The following PHACTR1 variants were observed in gnomAD, a reference collection of about 807,000 sequenced individuals.
The protein encoded by PHACTR1 is phosphatase and actin regulator 1.
In PHACTR1, 16 loss-of-function variants were observed where a neutral mutation model predicts 69.2. That is an observed-to-expected ratio of 0.23 (90% CI 0.16 to 0.35). The LOEUF (loss-of-function observed/expected upper bound fraction) is 0.35. Among genes scored for constraint, PHACTR1 ranks in the 10% least tolerant of loss-of-function variants. The probability of loss-of-function intolerance (pLI) is 1.00; values close to 1 mark genes in which losing one functional copy is unlikely to be tolerated. For synonymous variants in PHACTR1, 312 were observed against 284.5 expected (o/e 1.10, Z -0.97); for missense variants, 510 against 734.7 (o/e 0.69, Z 3.54).
intron 4 of PHACTR1, among the ~76,000 whole-genome samples, chr6:13,034,079 C>G (rs1344695879): frequency 6.6e-6 from 1 of 151,652 alleles, no homozygotes; most frequent in Non-Finnish European, 1.5e-5. Flanking sequence ...TGCAGTGGCG[C>G]GATCTCGGCT....
chr6:13,173,187 G>C (rs1217364267), intron 6 of PHACTR1, among the ~76,000 whole-genome samples: 1 of 152,158 alleles, frequency 6.6e-6, no homozygotes, highest in Non-Finnish European at 1.5e-5. Flanking sequence ...TAATGTATTT[G>C]GTTGGTACAA....
chr6:13,276,797 T>A (rs9349549), intron 11 of PHACTR1, among the ~76,000 whole-genome samples: 97,670 of 151,906 alleles, frequency 0.64, 33,295 homozygotes, highest in Non-Finnish European at 0.78. Flanking sequence ...TAAAAAAATT[T>A]AAAAAATAAA....
At chr6:13,271,310 C>A (rs1026611311) in intron 10 of PHACTR1, among the ~76,000 whole-genome samples, 1 of 152,188 alleles carries the variant, frequency 6.6e-6, no homozygotes, top group African/African-American at 2.4e-5. Context: ...AGGCCTCCCC[C>A]CGAGCAATGG....
At chr6:13,081,780 T>C (rs1278005586) in intron 5 of PHACTR1, among the ~76,000 whole-genome samples, 5 of 152,150 alleles carry the variant, frequency 3.3e-5, no homozygotes, top group Non-Finnish European at 5.9e-5. Flanking sequence ...TAGGCTATGA[T>C]TGTACCACTG....
At chr6:12,727,865 C>T (rs1387243699) in intron 3 of PHACTR1, among the ~76,000 whole-genome samples, 1 of 152,194 alleles carries the variant, frequency 6.6e-6, no homozygotes, top group Non-Finnish European at 1.5e-5. Context: ...GTTGGACATA[C>T]ACACTTATGC....
At chr6:13,072,093 A>T (rs888458700) in intron 5 of PHACTR1, among the ~76,000 whole-genome samples, 3 of 152,210 alleles carry the variant, frequency 2.0e-5, no homozygotes, top group Admixed American at 6.6e-5. Flanking sequence ...AACAAGGATG[A>T]TCTTTGTTTT....
intron 10 of PHACTR1, among the ~76,000 whole-genome samples, chr6:13,247,763 A>C (rs1773795273): frequency 6.6e-6 from 1 of 152,174 alleles, no homozygotes; most frequent in Admixed American, 6.5e-5. Flanking sequence ...CTGAAGCTAG[A>C]GAATCACTTG....
intron 4 of PHACTR1, among the ~76,000 whole-genome samples, chr6:12,971,423 C>T (rs537964058): frequency 3.9e-5 from 6 of 152,214 alleles, no homozygotes; most frequent in African/African-American, 9.6e-5. Flanking sequence ...AAAACTCAAA[C>T]GACTAAAAGT....
intron 10 of PHACTR1, chr6:13,252,878 A>G: frequency 3.4e-6 from 1 of 294,946 alleles, no homozygotes; most frequent in East Asian, 8.0e-5. Flanking sequence ...AAAACTTAGC[A>G]AAATATTGCA....
intron 3 of PHACTR1, among the ~76,000 whole-genome samples, chr6:12,741,550 C>G (rs1765042466): frequency 6.6e-6 from 1 of 152,102 alleles, no homozygotes; most frequent in African/African-American, 2.4e-5. Flanking sequence ...TGTAGTGGGA[C>G]CCTTGTCATA....
chr6:12,798,419 G>T (rs567638937), intron 4 of PHACTR1, among the ~76,000 whole-genome samples: 7 of 152,152 alleles, frequency 4.6e-5, no homozygotes, highest in African/African-American at 1.7e-4. Flanking sequence ...GGTAGGAAGT[G>T]ATTTAAGATT....
At chr6:12,754,126 C>CTA (rs1554133599) in intron 4 of PHACTR1, among the ~76,000 whole-genome samples, 8 of 69,346 alleles carry the variant, frequency 1.2e-4, no homozygotes, top group Non-Finnish European at 2.4e-4. Flanking sequence ...CCACGCCTGG[C>CTA]TATTTTTTTT....
chr6:13,157,057 A>G (rs1758286099), intron 5 of PHACTR1, among the ~76,000 whole-genome samples: 1 of 152,204 alleles, frequency 6.6e-6, no homozygotes, highest in South Asian at 2.1e-4. Flanking sequence ...TCTTAGAATA[A>G]CATGGTCCAT....
intron 4 of PHACTR1, among the ~76,000 whole-genome samples, chr6:12,973,193 A>C (rs1582775538): frequency 6.6e-6 from 1 of 152,188 alleles, no homozygotes; most frequent in Non-Finnish European, 1.5e-5. Flanking sequence ...GTTTAAAAGG[A>C]GTCTGAGAAT....
chr6:13,277,315 G>A (rs1417795463), intron 11 of PHACTR1, among the ~76,000 whole-genome samples: 1 of 152,096 alleles, frequency 6.6e-6, no homozygotes, highest in Non-Finnish European at 1.5e-5. Context: ...ACTCTTCTGA[G>A]CCACTCCTAA....
intron 5 of PHACTR1, among the ~76,000 whole-genome samples, chr6:13,145,802 CTGGTCTT>C (rs1823254730): frequency 6.6e-6 from 1 of 152,200 alleles, no homozygotes; most frequent in South Asian, 2.1e-4. Flanking sequence ...TCTTGGACCT[CTGGTCTT>C]TAAAACTGTG....
rs184450656 is a variant in PHACTR1 at position 13,284,704 on chromosome 6, G to C, written c.1650+1142G>C. ...CTTCACTGTCCGTTTCAGGGACCCA[G>C]GGTTTTCTTATATGATACAGCAGGA... On this transcript the variant is annotated intron_variant, in intron 13 of 14. Coordinates refer to ENST00000332995, the MANE Select transcript of PHACTR1 (RefSeq NM_030948.6). Among the ~76,000 whole-genome samples, 974 of 151,616 alleles carry C rather than the reference G, an allele frequency of 6.4e-3. 10 individuals carry two copies. The highest frequency in any genetic ancestry group is 8.4e-3 in the Non-Finnish European group (571 of 67,924).
chr6:13,282,425 C>T (rs1327386521), intron 12 of PHACTR1, among the ~76,000 whole-genome samples: 1 of 152,156 alleles, frequency 6.6e-6, no homozygotes, highest in Non-Finnish European at 1.5e-5. Flanking sequence ...ACGAATCTTC[C>T]TTTTACTTGC....
At chr6:12,829,459 G>A (rs572793419) in intron 4 of PHACTR1, among the ~76,000 whole-genome samples, 8 of 152,218 alleles carry the variant, frequency 5.3e-5, no homozygotes, top group Admixed American at 3.9e-4. Flanking sequence ...ATGAAAACTC[G>A]TTGGAAAGTA....
Sources: allele counts gnomAD v4.1 joint callset (sites outside exome capture counted in the v4.1 genomes callset), GRCh38; gene constraint gnomAD v4.1.1; transcripts MANE v1.5; gene names NCBI Gene and HGNC (gene_info 2026-07-23, HGNC 2026-07-21).